The following MARCHF1 variants were observed in gnomAD, a reference collection of about 807,000 sequenced individuals.
The protein encoded by MARCHF1 is E3 ubiquitin-protein ligase MARCHF1.
Under a neutral mutation model 54.2 loss-of-function variants are expected in MARCHF1, and 40 were observed. That is an observed-to-expected ratio of 0.74 (90% CI 0.57 to 0.96). MARCHF1 has a LOEUF of 0.96. MARCHF1 is among the 40% of genes least tolerant of loss of function. The pLI is 0.00. For synonymous variants in MARCHF1, 236 were observed against 236.3 expected, an observed-to-expected ratio of 1.00 and a Z score of 0.01; for missense variants, 586 against 656.5, an observed-to-expected ratio of 0.89 and a Z score of 1.17.
intron 1 of MARCHF1, among the ~76,000 whole-genome samples, chr4:164,164,240 G>T (rs1282033316): frequency 6.6e-6 from 1 of 151,230 alleles, no homozygotes; most frequent in African/African-American, 2.4e-5. Flanking sequence ...TATTAGAGGA[G>T]AAATCAATGA....
intron 5 of MARCHF1, among the ~76,000 whole-genome samples, chr4:163,654,550 A>C (rs1743073921): frequency 6.6e-6 from 1 of 151,682 alleles, no homozygotes; most frequent in South Asian, 2.1e-4. Flanking sequence ...TGGTGCATAC[A>C]ATTTAAGAAT....
At chr4:163,552,230 A>G (rs967646083) in intron 8 of MARCHF1, among the ~76,000 whole-genome samples, 3 of 152,224 alleles carry the variant, frequency 2.0e-5, no homozygotes, top group Admixed American at 6.5e-5. Flanking sequence ...GTACTGCACC[A>G]AAGATTAGGA....
rs572482464 is a variant in MARCHF1 at position 164,002,699 on chromosome 4, G to T, written c.-247-13990C>A. On this transcript the variant is annotated intron_variant, in intron 2 of 9. Coordinates refer to ENST00000514618, the MANE Select transcript of MARCHF1 (RefSeq NM_001394959.1). ...AAAATGTATGATAATTAAATCCACT[G>T]ATCCAAGAAGCCCATCAAATCCCAA... 5.9e-5 allele frequency among the ~76,000 whole-genome samples: 9 copies of T among 151,872 alleles called. No individual in the cohort carries two copies. The South Asian group carries it at 1.5e-3, about 24-fold the overall frequency.
At chr4:163,908,289 C>T (rs562781343) in intron 3 of MARCHF1, among the ~76,000 whole-genome samples, 21 of 152,158 alleles carry the variant, frequency 1.4e-4, no homozygotes, top group South Asian at 4.2e-4. Context: ...AATCATGTAC[C>T]TATGACATGC....
intron 2 of MARCHF1, among the ~76,000 whole-genome samples, chr4:164,015,933 T>G (rs1235750107): frequency 6.7e-6 from 1 of 150,064 alleles, no homozygotes; most frequent in Non-Finnish European, 1.5e-5. Context: ...AGAACTACCA[T>G]GTGATCCAAC....
intron 1 of MARCHF1, among the ~76,000 whole-genome samples, chr4:164,158,479 A>G (rs1730135738): frequency 6.6e-6 from 1 of 152,016 alleles, no homozygotes; most frequent in Non-Finnish European, 1.5e-5. Flanking sequence ...TGTCTCTACT[A>G]AAAATACAAA....
intron 1 of MARCHF1, among the ~76,000 whole-genome samples, chr4:164,140,891 A>G (rs566672859): frequency 6.6e-6 from 1 of 152,316 alleles, no homozygotes; most frequent in South Asian, 2.1e-4. Flanking sequence ...ACTAACCTGA[A>G]CATGACCTCC....
In MARCHF1 at chr4:164,281,925, C is replaced by T. The variant is rs1315674674; in HGVS notation, c.-323+101945G>A. On this transcript the variant is annotated intron_variant, in intron 1 of 9. Transcript: ENST00000514618. The stretch of plus-strand genomic sequence containing the variant: ...GCAAAACTCAGTCATATCCATTAGT[C>T]TAGGATTTTCTGGCTTTCAATCCCC... Among the ~76,000 whole-genome samples, 4 of 142,678 alleles carry T rather than the reference C, an allele frequency of 2.8e-5. No homozygotes were observed. The East Asian group carries it at 8.1e-4, about 29-fold the overall frequency. 93.6% of individuals were successfully genotyped at this position (142,678 alleles called of 152,430 possible).
intron 1 of MARCHF1, among the ~76,000 whole-genome samples, chr4:164,242,778 C>G (rs1732813904): frequency 6.6e-6 from 1 of 151,972 alleles, no homozygotes; most frequent in Non-Finnish European, 1.5e-5. Flanking sequence ...CAGACAAGTG[C>G]TTAAAGGAGT....
intron 4 of MARCHF1, among the ~76,000 whole-genome samples, chr4:163,768,209 A>C (rs1747046969): frequency 6.6e-6 from 1 of 152,206 alleles, no homozygotes; most frequent in South Asian, 2.1e-4. Context: ...TCTGCCTTGA[A>C]GCATTTAGCT....
chr4:163,786,681 C>T (rs1451834569), intron 4 of MARCHF1, among the ~76,000 whole-genome samples: 3 of 151,916 alleles, frequency 2.0e-5, no homozygotes, highest in African/African-American at 7.2e-5. Context: ...TCCACAGATT[C>T]AATGCAATCC....
intron 5 of MARCHF1, among the ~76,000 whole-genome samples, chr4:163,697,737 G>T (rs1191020152): frequency 6.6e-6 from 1 of 152,088 alleles, no homozygotes; most frequent in East Asian, 1.9e-4. Context: ...CCCATTATGA[G>T]TAATACTATT....
intron 1 of MARCHF1, among the ~76,000 whole-genome samples, chr4:164,262,160 T>C (rs1221753029): frequency 6.7e-6 from 1 of 150,220 alleles, no homozygotes; most frequent in Non-Finnish European, 1.5e-5. Flanking sequence ...GGATCTTATT[T>C]ATCATGTTCA....
chr4:163,731,940 A>G (rs1745852466), intron 4 of MARCHF1, among the ~76,000 whole-genome samples: 1 of 152,168 alleles, frequency 6.6e-6, no homozygotes, highest in Admixed American at 6.5e-5. Context: ...TTCAACCAAC[A>G]ACAAGATCCC....
At chr4:164,209,028 A>G (rs116568165) in intron 1 of MARCHF1, among the ~76,000 whole-genome samples, 2,002 of 149,810 alleles carry the variant, frequency 0.013, 62 homozygotes, top group East Asian at 0.13. Flanking sequence ...TATTTATTAT[A>G]TATATTATAT....
At chr4:163,735,970 T>C (rs372263360) in intron 4 of MARCHF1, among the ~76,000 whole-genome samples, 1 of 152,124 alleles carries the variant, frequency 6.6e-6, no homozygotes, top group East Asian at 1.9e-4. Context: ...TATATGTACA[T>C]ATGATAAAGT....
chr4:164,218,374 C>A (rs540585720), intron 1 of MARCHF1, among the ~76,000 whole-genome samples: 1 of 152,012 alleles, frequency 6.6e-6, no homozygotes, highest in Admixed American at 6.6e-5. Flanking sequence ...AATAGTATTA[C>A]ATTCATAGTG....
intron 3 of MARCHF1, among the ~76,000 whole-genome samples, chr4:163,974,046 C>T (rs533596036): frequency 7.9e-5 from 12 of 152,178 alleles, no homozygotes; most frequent in Non-Finnish European, 1.3e-4. Flanking sequence ...GGAGAAAGCA[C>T]CACACTTTCT....
At chr4:164,014,819 C>A (rs1753502039) in intron 2 of MARCHF1, among the ~76,000 whole-genome samples, 1 of 152,016 alleles carries the variant, frequency 6.6e-6, no homozygotes, top group Admixed American at 6.5e-5. Context: ...ATTGATACAG[C>A]AAGTTAATAT....
Sources: allele counts gnomAD v4.1 joint callset (sites outside exome capture counted in the v4.1 genomes callset), GRCh38; gene constraint gnomAD v4.1.1; transcripts MANE v1.5; gene names NCBI Gene and HGNC (gene_info 2026-07-23, HGNC 2026-07-21).